Variants in SGCZ observed in about 807,000 individuals in gnomAD.
SGCZ encodes the protein zeta-sarcoglycan.
A neutral mutation model predicts 41.3 loss-of-function variants in SGCZ; 40 were observed. The observed-to-expected ratio is 0.97, with a 90% CI of 0.75 to 1.26. The LOEUF (loss-of-function observed/expected upper bound fraction) is 1.26, where lower values mean the gene tolerates loss of function less well. Among genes scored for constraint, SGCZ ranks in the 50% most tolerant of loss-of-function variants. The probability of loss-of-function intolerance (pLI) is 0.00; values close to 1 mark genes in which losing one functional copy is unlikely to be tolerated. For missense variants in SGCZ, 552 were observed against 369.8 expected (o/e 1.49, Z -4.04); for synonymous variants, 206 against 137.5 (o/e 1.50, Z -3.49).
At chr8:14,332,262 C>G (rs1011621682) in intron 2 of SGCZ, among the ~76,000 whole-genome samples, 3 of 151,830 alleles carry the variant, frequency 2.0e-5, no homozygotes, top group Non-Finnish European at 4.4e-5. Flanking sequence ...GGTGAAACCC[C>G]GTCTCTACTA....
At chr8:14,819,934 G>A (rs1802023040) in intron 1 of SGCZ, among the ~76,000 whole-genome samples, 1 of 151,946 alleles carries the variant, frequency 6.6e-6, no homozygotes, top group South Asian at 2.1e-4. Context: ...AAAGTAAACA[G>A]CCACAGAGTA....
chr8:14,361,682 C>G (rs184244392), intron 2 of SGCZ, among the ~76,000 whole-genome samples: 4 of 152,316 alleles, frequency 2.6e-5, no homozygotes, highest in Non-Finnish European at 5.9e-5. Context: ...CTACTTCTGT[C>G]AACTTGTCAA....
At chr8:14,582,902 C>G (rs895928363) in intron 1 of SGCZ, among the ~76,000 whole-genome samples, 10 of 151,768 alleles carry the variant, frequency 6.6e-5, no homozygotes, top group Non-Finnish European at 1.2e-4. Context: ...TTAATCCAGT[C>G]TATCATTGTT....
intron 1 of SGCZ, among the ~76,000 whole-genome samples, chr8:14,646,228 G>GT (rs1440963076): frequency 6.6e-6 from 1 of 151,780 alleles, no homozygotes; most frequent in Non-Finnish European, 1.5e-5. Context: ...GTAGTTGCCA[G>GT]TATCTACTGT....
At chr8:14,726,989 T>A (rs1003928680) in intron 1 of SGCZ, among the ~76,000 whole-genome samples, 2 of 152,118 alleles carry the variant, frequency 1.3e-5, no homozygotes, top group Non-Finnish European at 2.9e-5. Context: ...AATGTGTTGT[T>A]CATCAAAAGA....
At chr8:14,354,480 G>A (rs998104636) in intron 2 of SGCZ, among the ~76,000 whole-genome samples, 1 of 151,698 alleles carries the variant, frequency 6.6e-6, no homozygotes, top group Non-Finnish European at 1.5e-5. Flanking sequence ...TGTAGATTAA[G>A]GATAAGATCT....
intron 5 of SGCZ, among the ~76,000 whole-genome samples, chr8:14,140,553 G>C (rs1421560992): frequency 6.6e-6 from 1 of 152,134 alleles, no homozygotes; most frequent in Non-Finnish European, 1.5e-5. Context: ...AAAATAGTGA[G>C]TGAACTCTCA....
intron 1 of SGCZ, among the ~76,000 whole-genome samples, chr8:15,187,903 A>G (rs1007037086): frequency 6.6e-6 from 1 of 152,022 alleles, no homozygotes; most frequent in Non-Finnish European, 1.5e-5. Context: ...ACTATTTATG[A>G]AAATGATTAA....
Position 14,111,033 on chromosome 8 carries a change from A to G in SGCZ, c.548-2798T>C, listed in dbSNP as rs147456892. On this transcript the variant is annotated intron_variant, in intron 5 of 7. Coordinates refer to ENST00000382080, the MANE Select transcript of SGCZ (RefSeq NM_139167.4). Reference sequence around the variant, plus strand: ...TGCACCACTGCATTCTAGCCTGGGCAACAAACGGAGACTATATTAAAAATA... The same window carrying G: ...TGCACCACTGCATTCTAGCCTGGGCGACAAACGGAGACTATATTAAAAATA... Among the ~76,000 whole-genome samples, 339 of 151,400 alleles carry G rather than the reference A, an allele frequency of 2.2e-3. 9 individuals carry two copies. The East Asian group carries it at 0.063, about 28-fold the overall frequency.
chr8:14,150,948 C>T (rs933861907), intron 5 of SGCZ, among the ~76,000 whole-genome samples: 1 of 152,134 alleles, frequency 6.6e-6, no homozygotes, highest in Non-Finnish European at 1.5e-5. Context: ...CACATGTTCT[C>T]ACTTATTTGT....
intron 1 of SGCZ, among the ~76,000 whole-genome samples, chr8:14,772,481 G>C (rs1287246974): frequency 6.6e-6 from 1 of 151,210 alleles, no homozygotes; most frequent in Non-Finnish European, 1.5e-5. Context: ...ACGATGTGCA[G>C]GTTAGTTACA....
intron 5 of SGCZ, among the ~76,000 whole-genome samples, chr8:14,152,333 G>T (rs536070098): frequency 6.6e-6 from 1 of 152,220 alleles, no homozygotes; most frequent in Non-Finnish European, 1.5e-5. Flanking sequence ...ACATAAAAAG[G>T]TGTTCAATGT....
intron 1 of SGCZ, among the ~76,000 whole-genome samples, chr8:15,067,524 C>G (rs1257782079): frequency 6.6e-6 from 1 of 152,136 alleles, no homozygotes; most frequent in Non-Finnish European, 1.5e-5. Flanking sequence ...GCTCTTAATC[C>G]TATTCCCTAG....
At chr8:14,467,063 T>C (rs1479977478) in intron 2 of SGCZ, among the ~76,000 whole-genome samples, 1 of 151,810 alleles carries the variant, frequency 6.6e-6, no homozygotes, top group Non-Finnish European at 1.5e-5. Flanking sequence ...TGTTTTTGCT[T>C]ATTTATTTAT....
intron 2 of SGCZ, among the ~76,000 whole-genome samples, chr8:14,528,831 A>AAAAAT (rs534683981): frequency 2.9e-4 from 25 of 86,420 alleles, no homozygotes; most frequent in Admixed American, 7.3e-4. Flanking sequence ...ACCAGCCAAA[A>AAAAAT]AAAAAACAAA....
chr8:15,132,391 C>T (rs1455484656), intron 1 of SGCZ, among the ~76,000 whole-genome samples: 1 of 152,126 alleles, frequency 6.6e-6, no homozygotes, highest in Non-Finnish European at 1.5e-5. Context: ...CCTCAATCTC[C>T]CCTTATACCA....
At chr8:14,218,977 G>T (rs1291623673) in intron 4 of SGCZ, among the ~76,000 whole-genome samples, 3 of 152,220 alleles carry the variant, frequency 2.0e-5, no homozygotes, top group East Asian at 1.9e-4. Context: ...AACGTTGACC[G>T]TTCTATGGTT....
At chr8:14,101,047 T>C (rs955294509) in intron 7 of SGCZ, among the ~76,000 whole-genome samples, 1 of 152,076 alleles carries the variant, frequency 6.6e-6, no homozygotes, top group African/African-American at 2.4e-5. Flanking sequence ...ATATAAATCA[T>C]GTATGAGCAT....
At chr8:15,093,398 C>A (rs1225564581) in intron 1 of SGCZ, among the ~76,000 whole-genome samples, 1 of 152,168 alleles carries the variant, frequency 6.6e-6, no homozygotes, top group East Asian at 1.9e-4. Flanking sequence ...TTACGTCCAC[C>A]ATGAGAGTTG....
Sources: gnomAD v4.1 joint callset for allele counts (sites outside exome capture counted in the v4.1 genomes callset) on GRCh38, gnomAD v4.1.1 for gene constraint, MANE v1.5 for transcripts, NCBI Gene and HGNC (gene_info 2026-07-23, HGNC 2026-07-21) for gene names.